Variants in GJA5 observed in about 807,000 individuals in gnomAD.
The protein encoded by GJA5 is gap junction protein alpha 5, also known as gap junction alpha-5 protein.
A neutral mutation model predicts 7.9 loss-of-function variants in GJA5; 3 were observed. The ratio of observed to expected loss-of-function variants is 0.38; its 90% CI spans 0.17 to 0.99. The LOEUF (loss-of-function observed/expected upper bound fraction) is 0.99. Among genes scored for constraint, GJA5 ranks in the 50% least tolerant of loss-of-function variants. The probability of loss-of-function intolerance (pLI) is 0.38; values close to 1 mark genes in which losing one functional copy is unlikely to be tolerated. For synonymous variants in GJA5, 193 were observed against 181.0 expected (o/e 1.07, Z -0.53); for missense variants, 390 against 457.9 (o/e 0.85, Z 1.35).
intron 1 of GJA5, among the ~76,000 whole-genome samples, chr1:147,767,062 C>T (rs1204790512): frequency 6.6e-6 from 1 of 152,104 alleles, no homozygotes; most frequent in Non-Finnish European, 1.5e-5. Flanking sequence ...TCTTTTGTAC[C>T]TTATTAATTT....
chr1:147,758,618 GA>G lies in GJA5; in HGVS notation c.620del (p.Phe207SerfsTer51). On this transcript the variant is annotated frameshift_variant, in exon 2 of 2. Transcript: ENST00000579774. LOFTEE classifies it low-confidence loss of function (END_TRUNC). ...YVSRPTEKNVFIVFMLAVAAL... is the reference protein window; with the variant it reads ...YVSRPTEKNVXIVFMLAVAAL... The stretch of plus-strand genomic sequence containing the variant: ...CAGCCACAGCCAGCATAAAGACAAT[GA>G]AGACATTCTTCTCTGTGGGCCGGGA... 1 of 1,614,144 alleles carries G rather than the reference GA, an allele frequency of 6.2e-7. No homozygotes were observed. The highest frequency in any genetic ancestry group is 8.5e-7 in the Non-Finnish European group (1 of 1,179,992).
chr1:147,759,310 G>T (rs888796876), intron 1 of GJA5, 39 bp from the exon 2 acceptor site: 12 of 1,034,032 alleles, frequency 1.2e-5, no homozygotes, highest in Non-Finnish European at 1.8e-5. Context: ...AAAGAAGAAG[G>T]ATGTTCTGTG....
rs2148958862 is a variant in GJA5 at position 147,758,406 on chromosome 1, T to C, written c.833A>G (p.Lys278Arg). The change falls in exon 2 of 2, where the codon AAA becomes AGA. Residue 278 changes from lysine to arginine, a missense_variant. This residue lies in a region of GJA5 where 354 missense variants were observed against 370.9 expected (regional missense o/e 0.95). Transcript: ENST00000579774. ...ATTATTGCTGAAGGGATTGAAGAAT[T>C]TTCCCCCAGGGCCATTCTCCAGGCA... ...NQCLENGPGG[K>R]FFNPFSNNMA... is the part of the protein sequence containing the mutation. The C allele has an allele frequency of 1.2e-6, 2 of 1,614,072 alleles. No individual in the cohort carries two copies. The highest frequency in any genetic ancestry group is 1.7e-6 in the Non-Finnish European group (2 of 1,179,986).
Position 147,758,061 on chromosome 1 carries a change from G to C in GJA5, c.*101C>G, listed in dbSNP as rs915088443. On this transcript the variant is annotated 3_prime_UTR_variant, in exon 2 of 2. Coordinates refer to ENST00000579774, the MANE Select transcript of GJA5 (RefSeq NM_181703.4). ...GAGACCCGGGGCTCAAAGGAGCCAAGCAGTGATGACAGTGAGAAAGCATCA... is the reference window on the plus strand; with the variant it reads ...GAGACCCGGGGCTCAAAGGAGCCAACCAGTGATGACAGTGAGAAAGCATCA... 4.6e-6 allele frequency: 4 copies of C among 861,012 alleles called. No homozygotes were observed. The highest frequency in any genetic ancestry group is 1.6e-5 in the African/African-American group (1 of 60,632). The allele number at this position is 861,012 out of a possible 1,614,324, so 53.3% of individuals were successfully genotyped here.
At chr1:147,767,036 A>T (rs1481744599) in intron 1 of GJA5, among the ~76,000 whole-genome samples, 1 of 152,140 alleles carries the variant, frequency 6.6e-6, no homozygotes, top group Admixed American at 6.5e-5. Context: ...ACCAAGCATA[A>T]CCTTTATGTC....
intron 1 of GJA5, among the ~76,000 whole-genome samples, chr1:147,770,648 A>T (rs1664361935): frequency 6.6e-6 from 1 of 152,138 alleles, no homozygotes; most frequent in South Asian, 2.1e-4. Context: ...TCCTAGCCAA[A>T]TGTGACTCCA....
At position 147,757,018 on chromosome 1, in the gene GJA5, A is replaced by G. The variant is rs1479575812; in HGVS notation, c.*1144T>C. ...AGGAGAGAGAGATCTGGGGGCCTCC[A>G]TAGCTGTCATCACACCTCCTCTTGG... On this transcript the variant is annotated 3_prime_UTR_variant, in exon 2 of 2. Transcript: ENST00000579774. 4 of 152,234 alleles carry G rather than the reference A, an allele frequency of 2.6e-5. No individual in the cohort carries two copies. The highest frequency in any genetic ancestry group is 5.9e-5 in the Non-Finnish European group (4 of 68,044). 9.4% of individuals were successfully genotyped at this position (152,234 alleles called of 1,614,324 possible). A position where few individuals can be genotyped will look rare whatever the true frequency, so the allele number is the denominator to read the frequency against.
At chr1:147,763,313 C>A (rs1664086956), upstream of GJA5, among the ~76,000 whole-genome samples, 2 of 152,314 alleles carry the variant, frequency 1.3e-5, no homozygotes, top group Admixed American at 6.5e-5. Context: ...CTGAGTGTAA[C>A]TGCCTTTATA....
rs587719205 is a variant in GJA5 at position 147,757,030 on chromosome 1, A to C, written c.*1132T>G. 1 of 152,320 alleles carries C rather than the reference A, an allele frequency of 6.6e-6. No individual in the cohort carries two copies. The highest frequency in any genetic ancestry group is 1.5e-5 in the Non-Finnish European group (1 of 68,024). The allele number at this position is 152,320 out of a possible 1,614,324, so 9.4% of individuals were successfully genotyped here. On this transcript the variant is annotated 3_prime_UTR_variant, in exon 2 of 2. Transcript: ENST00000579774. ...TCTGGGGGCCTCCATAGCTGTCATC[A>C]CACCTCCTCTTGGCACTAAGTTGGC...
intron 1 of GJA5, among the ~76,000 whole-genome samples, chr1:147,772,713 C>T (rs1368329206): frequency 6.7e-6 from 1 of 149,780 alleles, no homozygotes; most frequent in African/African-American, 2.5e-5. Flanking sequence ...CATGTGGCCA[C>T]TGCACAGCGG....
rs886045252 is a variant in GJA5, at chr1:147,758,905, C to G, written c.334G>C (p.Glu112Gln). The change falls in exon 2 of 2, where the codon GAG (glutamate) becomes CAG (glutamine). Residue 112 changes from glutamate to glutamine, a missense_variant. Physicochemically the swap from Glu to Gln is conservative, Grantham distance 29. Around this residue, in one of 2 missense-constraint regions of GJA5, gnomAD observed 354 missense variants for 370.9 expected, o/e 0.95. Coordinates refer to ENST00000579774, the MANE Select transcript of GJA5 (RefSeq NM_181703.4). ...GAGCCCCGGACCTCTTTGGCCCTCT[C>G]GGCCTCCCGTAGCTTGCGCTTCTCC... ...MQEKRKLREA[E>Q]RAKEVRGSGS... 8 of 1,614,226 alleles carry G rather than the reference C, an allele frequency of 5.0e-6. No individual in the cohort carries two copies. In the South Asian group the frequency reaches 8.8e-5, roughly 18 times the overall value.
intron 1 of GJA5, among the ~76,000 whole-genome samples, chr1:147,772,486 T>C (rs1664445648): frequency 6.6e-6 from 1 of 152,194 alleles, no homozygotes; most frequent in African/African-American, 2.4e-5. Context: ...CATGGGGATG[T>C]GTCTGCTACA....
Position 147,758,508 on chromosome 1 carries a change from T to G in GJA5, c.731A>C (p.His244Pro). 3.1e-6 allele frequency: 5 copies of G among 1,614,172 alleles called. No homozygotes were observed. Among genetic ancestry groups the G allele is most frequent in the Non-Finnish European group, 4.2e-6 (5 of 1,179,964 alleles). ...GCCAGAAAGCTGGCACTTAGCCATG[T>G]GCTGCCGCGGTTTGACAAATCGCTG... Reference protein sequence around the residue: ...IRQRFVKPRQHMAKCQLSGPS... With the variant: ...IRQRFVKPRQPMAKCQLSGPS... The change falls in exon 2 of 2, where the codon CAC becomes CCC. Residue 244 changes from histidine (H) to proline (P), a missense_variant. By Grantham distance (77) the His-to-Pro change is moderately conservative. Transcript: ENST00000579774.
At chr1:147,772,812 C>T (rs1379118347) in intron 1 of GJA5, among the ~76,000 whole-genome samples, 2 of 115,100 alleles carry the variant, frequency 1.7e-5, no homozygotes, top group African/African-American at 6.7e-5. Flanking sequence ...AAAAGCAAAA[C>T]ACTCCCCTAG....
At chr1:147,759,298 G>GA in intron 1 of GJA5, 27 bp from the exon 2 acceptor site, 1 of 1,112,988 alleles carries the variant, frequency 9.0e-7, no homozygotes, top group Non-Finnish European at 1.4e-6. Context: ...GAGAAAGAGA[G>GA]AAAAGAAGAA....
At chr1:147,760,623 T>C (rs927098253), upstream of GJA5, 4 of 152,200 alleles carry the variant, frequency 2.6e-5, no homozygotes, top group Non-Finnish European at 5.9e-5. Flanking sequence ...CCAGAGTAGG[T>C]GTTTAATATA....
At chr1:147,759,341 T>C (rs1420824261) in intron 1 of GJA5, 70 bp from the exon 2 acceptor site, 3 of 858,218 alleles carry the variant, frequency 3.5e-6, no homozygotes, top group Non-Finnish European at 5.9e-6. Context: ...ATGTCTATCA[T>C]GTTCTGGGAT....
In GJA5 at chr1:147,756,777, T is replaced by G. The variant is rs1183204367; in HGVS notation, c.*1385A>C. On this transcript the variant is annotated 3_prime_UTR_variant, in exon 2 of 2. Coordinates refer to ENST00000579774, the MANE Select transcript of GJA5 (RefSeq NM_181703.4). ...CTCAGTTTCCAATTCCAAGCATCGTTTACCTTCATCCAAAACAACAGCAAC... is the reference window on the plus strand; with the variant it reads ...CTCAGTTTCCAATTCCAAGCATCGTGTACCTTCATCCAAAACAACAGCAAC... 1 of 152,234 alleles carries G rather than the reference T, an allele frequency of 6.6e-6. No homozygotes were observed. Among genetic ancestry groups the G allele is most frequent in the Non-Finnish European group, 1.5e-5 (1 of 68,102 alleles). 9.4% of individuals were successfully genotyped at this position (152,234 alleles called of 1,614,324 possible).
intron 1 of GJA5, among the ~76,000 whole-genome samples, chr1:147,769,180 T>A (rs1664312412): frequency 6.6e-6 from 1 of 152,264 alleles, no homozygotes; most frequent in Non-Finnish European, 1.5e-5. Flanking sequence ...TGGCCAGAAT[T>A]CACATATAGA....
Sources: allele counts gnomAD v4.1 joint callset (sites outside exome capture counted in the v4.1 genomes callset), GRCh38; gene constraint gnomAD v4.1.1; regional missense constraint gnomAD v4.1.1; transcripts MANE v1.5; gene names NCBI Gene and HGNC (gene_info 2026-07-23, HGNC 2026-07-21).